Variants in F9 observed in about 807,000 individuals in gnomAD.
The protein encoded by F9 is coagulation factor IX, also known as Christmas factor.
Under a neutral mutation model 34.1 loss-of-function variants are expected in F9, and 2 were observed. The observed-to-expected ratio is 0.06, with a 90% CI of 0.02 to 0.18. F9 has a LOEUF of 0.18. Ranked by LOEUF, F9 falls within the 10% of genes least tolerant of loss-of-function variation. The pLI, the probability that F9 is intolerant of heterozygous loss-of-function variation, is 1.00. For missense variants in F9, 216 were observed against 345.1 expected, an observed-to-expected ratio of 0.63 and a Z score of 2.96; for synonymous variants, 137 against 118.8, an observed-to-expected ratio of 1.15 and a Z score of -1.00.
In F9 at chrX:139,562,117, C is replaced by T; in HGVS notation, c.*46C>T. The T allele has an allele frequency of 9.4e-7, 1 of 1,062,635 alleles. No homozygotes were observed. The highest frequency in any genetic ancestry group is 1.3e-6 in the Non-Finnish European group (1 of 762,176). 87.6% of individuals were successfully genotyped at this position (1,062,635 alleles called of 1,213,427 possible). On this transcript the variant is annotated 3_prime_UTR_variant, in exon 8 of 8. Coordinates refer to ENST00000218099, the MANE Select transcript of F9 (RefSeq NM_000133.4). ...TTAATTCATTGGAATTGAAAATTAA[C>T]AGGGCCTCTCACTAACTAATCACTT...
intron 5 of F9, 123 bp from the exon 6 acceptor site, chrX:139,550,939 T>A (rs992844428): frequency 9.1e-6 from 5 of 552,417 alleles, no homozygotes; most frequent in East Asian, 7.1e-5. Flanking sequence ...TAGATTTTTT[T>A]AAATACTGAT....
chrX:139,547,433 G>A (rs1287457531), intron 4 of F9: 1 of 111,379 alleles, frequency 9.0e-6, no homozygotes, highest in Non-Finnish European at 1.9e-5. Context: ...ACAAGTCACA[G>A]AGTGAGACAA....
intron 1 of F9, among the ~76,000 whole-genome samples, chrX:139,533,005 C>T (rs1927377592): frequency 9.0e-6 from 1 of 110,870 alleles, no homozygotes; most frequent in Non-Finnish European, 1.9e-5. Flanking sequence ...TCTGGCAACA[C>T]GCTAATGAAA....
intron 6 of F9, among the ~76,000 whole-genome samples, chrX:139,557,050 G>A (rs1164383865): frequency 2.7e-5 from 3 of 112,345 alleles, no homozygotes; most frequent in Middle Eastern, 4.6e-3. Flanking sequence ...CATAAATTCA[G>A]ATGTGAATGT....
intron 4 of F9, among the ~76,000 whole-genome samples, chrX:139,546,599 G>A (rs2148360398): frequency 9.0e-6 from 1 of 111,645 alleles, no homozygotes; most frequent in African/African-American, 3.2e-5. Context: ...AAAACCCAAA[G>A]CATCTAAACA....
intron 1 of F9, among the ~76,000 whole-genome samples, chrX:139,533,021 G>GTGGGGGAGGGGGCCGTACCAAGAC (rs1334923608): frequency 4.5e-5 from 5 of 111,641 alleles, no homozygotes; most frequent in African/African-American, 1.6e-4. Flanking sequence ...TGAAATGATA[G>GTGGGGGAGGGGGCCGTACCAAGAC]TGGGGGAGGG....
Position 139,546,669 on chromosome X carries a change from T to C in F9, c.392-1694T>C, listed in dbSNP as rs377572895. ...ACAGAGTCAACATACAAATATCAAT[T>C]GTATGTCTATATACCAGCAACGATT... On this transcript the variant is annotated intron_variant, in intron 4 of 7. Transcript: ENST00000218099. 7.2e-4 allele frequency among the ~76,000 whole-genome samples: 80 copies of C among 111,817 alleles called. No individual in the cohort carries two copies. In the South Asian group the frequency reaches 0.028, roughly 39 times the overall value.
intron 4 of F9, among the ~76,000 whole-genome samples, chrX:139,541,690 A>T (rs1393415645): frequency 1.8e-5 from 2 of 112,056 alleles, no homozygotes; most frequent in Non-Finnish European, 3.8e-5. Context: ...ATGACTGGCC[A>T]ATTATCCCAT....
intron 4 of F9, among the ~76,000 whole-genome samples, chrX:139,546,517 C>T (rs3128289): frequency 0.015 from 1,640 of 111,318 alleles, 30 homozygotes; most frequent in African/African-American, 0.049. Flanking sequence ...TATGAAATTG[C>T]GGTTGCTTTT....
chrX:139,561,221 A>G (rs996960434), intron 7 of F9, among the ~76,000 whole-genome samples: 1 of 111,768 alleles, frequency 8.9e-6, no homozygotes, highest in African/African-American at 3.3e-5. Flanking sequence ...TTTGTGCTCA[A>G]AAAAGGGGTG....
At chrX:139,547,739 C>A (rs375161459) in intron 4 of F9, 1 of 112,246 alleles carries the variant, frequency 8.9e-6, no homozygotes, top group Admixed American at 9.4e-5. Context: ...CAGTGGAATA[C>A]TACACAGCAA....
chrX:139,551,225 T>G lies in F9; in HGVS notation c.684T>G (p.Val228=), dbSNP rs1395791373. ...CATTTAATGACTTCACTCGGGTTGT[T>G]GGTGGAGAAGATGCCAAACCAGGTC... ...TQSFNDFTRV[V]GGEDAKPGQF... Residue 228 remains valine (V), a synonymous_variant, in exon 6 of 8, where the codon GTT becomes GTG. Transcript: ENST00000218099. The G allele has an allele frequency of 1.7e-6, 2 of 1,211,410 alleles. No individual in the cohort carries two copies. The highest frequency in any genetic ancestry group is 2.2e-6 in the Non-Finnish European group (2 of 895,390).
At chrX:139,532,388 C>A (rs1249723146) in intron 1 of F9, among the ~76,000 whole-genome samples, 1 of 111,741 alleles carries the variant, frequency 8.9e-6, no homozygotes, top group Admixed American at 9.5e-5. Flanking sequence ...ATGGCTGCTG[C>A]CTTTAGGTAT....
chrX:139,553,275 C>A (rs1009028887), intron 6 of F9, among the ~76,000 whole-genome samples: 1 of 111,957 alleles, frequency 8.9e-6, no homozygotes, highest in South Asian at 3.8e-4. Context: ...CTTTACTCTT[C>A]TTCACAACTC....
chrX:139,545,626 G>A (rs1249411976), intron 4 of F9, among the ~76,000 whole-genome samples: 1 of 111,275 alleles, frequency 9.0e-6, no homozygotes, highest in East Asian at 2.8e-4. Context: ...AGAACTATCA[G>A]GTAAAAACTA....
rs767484990 is a variant in F9 at position 139,548,448 on chromosome X, G to A, written c.477G>A (p.Glu159=). ...ACAAGGTGGTTTGCTCCTGTACTGA[G>A]GGATATCGACTTGCAGAAAACCAGA... The part of the protein sequence containing the change: ...ADNKVVCSCT[E]GYRLAENQKS... Residue 159 remains glutamate, a synonymous_variant, in exon 5 of 8, where the codon GAG becomes GAA. Coordinates refer to ENST00000218099, the MANE Select transcript of F9 (RefSeq NM_000133.4). The A allele has an allele frequency of 7.4e-6, 9 of 1,210,492 alleles. No individual in the cohort carries two copies. The highest frequency in any genetic ancestry group is 1.0e-5 in the Non-Finnish European group (9 of 894,659).
At chrX:139,560,685 A>AT (rs1928076473) in intron 6 of F9, 56 bp from the exon 7 acceptor site, 1 of 875,129 alleles carries the variant, frequency 1.1e-6, no homozygotes, top group Non-Finnish European at 1.7e-6. Flanking sequence ...ACACATATTT[A>AT]TTTTTTTCTA....
chrX:139,555,408 C>T (rs1288883519), intron 6 of F9, among the ~76,000 whole-genome samples: 3 of 112,850 alleles, frequency 2.7e-5, no homozygotes, highest in Non-Finnish European at 5.6e-5. Context: ...CAGGCTGGAG[C>T]CAAGGGCCAA....
At chrX:139,533,176 C>T (rs1435570532) in intron 1 of F9, among the ~76,000 whole-genome samples, 1 of 111,842 alleles carries the variant, frequency 8.9e-6, no homozygotes, top group Non-Finnish European at 1.9e-5. Flanking sequence ...TATGACTTAA[C>T]CATCTGGGTA....
Sources: gnomAD v4.1 joint callset for allele counts (sites outside exome capture counted in the v4.1 genomes callset) on GRCh38, gnomAD v4.1.1 for gene constraint, MANE v1.5 for transcripts, NCBI Gene and HGNC (gene_info 2026-07-23, HGNC 2026-07-21) for gene names.